PSD3: variants seen among roughly 807,000 people sequenced by gnomAD.
PSD3 encodes pleckstrin and Sec7 domain containing 3.
A neutral mutation model predicts 105.5 loss-of-function variants in PSD3; 49 were observed. That is an observed-to-expected ratio of 0.46 (90% CI 0.37 to 0.59). The LOEUF is 0.59. Ranked by LOEUF, PSD3 falls within the 20% of genes least tolerant of loss-of-function variation. PSD3 has a pLI of 0.00. For synonymous variants in PSD3, 557 were observed against 457.8 expected, an observed-to-expected ratio of 1.22 and a Z score of -2.77; for missense variants, 1,561 against 1,263.8, an observed-to-expected ratio of 1.24 and a Z score of -3.57.
intron 1 of PSD3, chr8:18,979,910 T>C (rs1825164335): frequency 6.6e-6 from 1 of 152,194 alleles, no homozygotes; most frequent in South Asian, 2.1e-4. Flanking sequence ...TCCAAATCAT[T>C]GAAAGGTGGA....
At chr8:18,606,606 G>C (rs1804852534) in intron 11 of PSD3, among the ~76,000 whole-genome samples, 1 of 152,056 alleles carries the variant, frequency 6.6e-6, no homozygotes, top group African/African-American at 2.4e-5. Flanking sequence ...CACAAACTTT[G>C]TTATCTAGGA....
At chr8:18,697,120 T>G (rs1801304080) in intron 9 of PSD3, among the ~76,000 whole-genome samples, 1 of 152,156 alleles carries the variant, frequency 6.6e-6, no homozygotes, top group South Asian at 2.1e-4. Context: ...ATGTAATCAA[T>G]AAAAACAATG....
intron 2 of PSD3, among the ~76,000 whole-genome samples, chr8:18,874,652 G>A (rs549369440): frequency 5.6e-5 from 8 of 143,008 alleles, no homozygotes; most frequent in South Asian, 2.2e-4. Flanking sequence ...GCAGTGAGCC[G>A]AGATTGCACC....
chr8:18,662,331 T>G (rs1185896518), intron 9 of PSD3, among the ~76,000 whole-genome samples: 1 of 152,222 alleles, frequency 6.6e-6, no homozygotes, highest in Non-Finnish European at 1.5e-5. Flanking sequence ...AGAGGCCTCT[T>G]ATATAAGGAA....
At chr8:19,056,922 G>A (rs1413851720) in intron 1 of PSD3, among the ~76,000 whole-genome samples, 1 of 152,234 alleles carries the variant, frequency 6.6e-6, no homozygotes, top group Admixed American at 6.5e-5. Flanking sequence ...AGCTGTGGGT[G>A]ATGAGCTCAG....
intron 9 of PSD3, among the ~76,000 whole-genome samples, chr8:18,713,034 C>T (rs375982585): frequency 6.6e-6 from 1 of 152,216 alleles, no homozygotes; most frequent in African/African-American, 2.4e-5. Context: ...AGACAAAAAC[C>T]ACGGGATTAT....
At chr8:18,949,400 T>TC (rs1019750386) in intron 1 of PSD3, among the ~76,000 whole-genome samples, 2 of 149,672 alleles carry the variant, frequency 1.3e-5, no homozygotes, top group African/African-American at 4.9e-5. Context: ...AAAAAAATAA[T>TC]CTCCTAGGCA....
chr8:18,821,681 C>T (rs1812717696), intron 4 of PSD3, among the ~76,000 whole-genome samples: 1 of 50,048 alleles, frequency 2.0e-5, no homozygotes, highest in African/African-American at 5.8e-5. Context: ...TTTTGACCCC[C>T]ACAACACACA....
At chr8:18,775,070 T>C in intron 8 of PSD3, 1 of 412,434 alleles carries the variant, frequency 2.4e-6, no homozygotes, top group Non-Finnish European at 4.9e-6. Flanking sequence ...TCATGAAATC[T>C]ACTTTTTAAG....
chr8:18,615,027 T>G (rs13254518), intron 11 of PSD3, among the ~76,000 whole-genome samples: 147,195 of 152,260 alleles, frequency 0.97, 71,324 homozygotes, highest in East Asian at 1. Context: ...ATAACAAAAA[T>G]TTCCTGAAAT....
At chr8:19,082,929 C>A (rs568648756) in intron 1 of PSD3, among the ~76,000 whole-genome samples, 1 of 152,150 alleles carries the variant, frequency 6.6e-6, no homozygotes, top group Admixed American at 6.5e-5. Context: ...GCTTTCTCCC[C>A]GTTTCTTAAC....
chr8:18,905,643 T>C (rs1362810648), intron 2 of PSD3, among the ~76,000 whole-genome samples: 1 of 152,174 alleles, frequency 6.6e-6, no homozygotes, highest in East Asian at 1.9e-4. Flanking sequence ...TCTGAAAACA[T>C]ATATTGCCTA....
At chr8:18,939,498 T>C (rs1822381920) in intron 1 of PSD3, among the ~76,000 whole-genome samples, 1 of 151,768 alleles carries the variant, frequency 6.6e-6, no homozygotes, top group Non-Finnish European at 1.5e-5. Context: ...AATCTTGTTA[T>C]CAATAAAGAA....
intron 2 of PSD3, among the ~76,000 whole-genome samples, chr8:18,890,825 G>A (rs540473253): frequency 6.6e-6 from 1 of 151,740 alleles, no homozygotes. Flanking sequence ...AAGGGTGGGG[G>A]AGGGGGAACA....
chr8:18,708,547 G>T (rs561625624), intron 9 of PSD3, among the ~76,000 whole-genome samples: 2 of 151,976 alleles, frequency 1.3e-5, no homozygotes, highest in African/African-American at 4.8e-5. Flanking sequence ...CTGTCTCTCC[G>T]TGTTTTTCCA....
chr8:19,071,059 T>C (rs1302857352), intron 1 of PSD3, among the ~76,000 whole-genome samples: 3 of 152,020 alleles, frequency 2.0e-5, no homozygotes, highest in Admixed American at 2.0e-4. Flanking sequence ...CTTTCTTTTT[T>C]TTTTGGAAGG....
At chr8:18,765,168 C>T (rs181677617) in intron 9 of PSD3, among the ~76,000 whole-genome samples, 31 of 152,236 alleles carry the variant, frequency 2.0e-4, no homozygotes, top group Non-Finnish European at 3.2e-4. Context: ...AGTCTATTTA[C>T]AAATAAATCG....
At chr8:18,987,281 T>A (rs1035806733) in intron 1 of PSD3, among the ~76,000 whole-genome samples, 1 of 86,356 alleles carries the variant, frequency 1.2e-5, no homozygotes, top group Admixed American at 1.1e-4. Flanking sequence ...TTCTTTTTTA[T>A]TTTTTTTTTT....
At chr8:18,809,014 TG>T in intron 4 of PSD3, 1 of 1,094,354 alleles carries the variant, frequency 9.1e-7, no homozygotes, top group South Asian at 2.0e-5. Flanking sequence ...CAAGGGCCAC[TG>T]TCTATCGAGA....
Sources: allele counts gnomAD v4.1 joint callset (sites outside exome capture counted in the v4.1 genomes callset), GRCh38; gene constraint gnomAD v4.1.1; transcripts MANE v1.5; gene names NCBI Gene and HGNC (gene_info 2026-07-23, HGNC 2026-07-21).